C10orf90: variants seen among roughly 807,000 people sequenced by gnomAD.
C10orf90 encodes the protein chromosome 10 open reading frame 90, also known as (E2-independent) E3 ubiquitin-conjugating enzyme FATS.
In C10orf90, 56 loss-of-function variants were observed where a neutral mutation model predicts 62.5. The observed-to-expected ratio is 0.90, with a 90% CI of 0.72 to 1.12. The LOEUF is 1.12. Among genes scored for constraint, C10orf90 ranks in the 50% most tolerant of loss-of-function variants. The probability of loss-of-function intolerance (pLI) is 0.00; values close to 1 mark genes in which losing one functional copy is unlikely to be tolerated. For missense variants in C10orf90, 970 were observed against 880.4 expected (o/e 1.10, Z -1.29); for synonymous variants, 386 against 340.4 (o/e 1.13, Z -1.47).
intron 2 of C10orf90, among the ~76,000 whole-genome samples, chr10:126,641,698 G>A (rs1311076463): frequency 6.6e-6 from 1 of 152,106 alleles, no homozygotes; most frequent in African/African-American, 2.4e-5. Flanking sequence ...TTTGTAACAT[G>A]CAGAATGGGG....
intron 2 of C10orf90, among the ~76,000 whole-genome samples, chr10:126,529,188 C>T (rs1366911247): frequency 6.6e-6 from 1 of 152,162 alleles, no homozygotes; most frequent in East Asian, 1.9e-4. Context: ...CAAAATTAGA[C>T]ACCTTTTCCT....
chr10:126,573,621 C>T lies in C10orf90; in HGVS notation c.314-59682G>A, dbSNP rs796252449. ...GCCCCAGGGCCTTCCACAGCCCCCA[C>T]ACTTCTGTACTTTGCCCCTGCCTTG... On this transcript the variant is annotated intron_variant, in intron 2 of 9. Transcript: ENST00000488181. Among the ~76,000 whole-genome samples the T allele has an allele frequency of 5.3e-5, 8 of 152,304 alleles. 1 individual carries two copies. Among genetic ancestry groups the T allele is most frequent in the African/African-American group, 1.4e-4 (6 of 41,578 alleles).
intron 2 of C10orf90, among the ~76,000 whole-genome samples, chr10:126,616,228 G>T (rs947804801): frequency 6.6e-6 from 1 of 152,126 alleles, no homozygotes; most frequent in Non-Finnish European, 1.5e-5. Flanking sequence ...CATCTGCCTC[G>T]TATTTATTGA....
chr10:126,461,206 G>A lies in C10orf90; in HGVS notation c.2010+195C>T, dbSNP rs116185286. 1.3e-3 allele frequency among the ~76,000 whole-genome samples: 193 copies of A among 152,318 alleles called. 1 individual carries two copies. The highest frequency in any genetic ancestry group is 4.5e-3 in the African/African-American group (186 of 41,566). On this transcript the variant is annotated intron_variant, in intron 6 of 9. Transcript: ENST00000488181. ...TCTTCATTCTAACCTGGAGGAGTCA[G>A]TGTCATTATCTCCATTATTCAAACA...
At position 126,528,962 on chromosome 10, in the gene C10orf90, A is replaced by G. The variant is rs904787980; in HGVS notation, c.314-15023T>C. 1.1e-4 allele frequency among the ~76,000 whole-genome samples: 16 copies of G among 152,314 alleles called. 1 individual carries two copies. The South Asian group carries it at 3.3e-3, about 32-fold the overall frequency. On this transcript the variant is annotated intron_variant, in intron 2 of 9. Coordinates refer to ENST00000488181, the MANE Select transcript of C10orf90 (RefSeq NM_001350921.2). ...GCCCTATCAGATATCAAAACTTATT[A>G]TAAAGGTGAGAAGAAAGGTAGGTCA...
intron 1 of C10orf90, among the ~76,000 whole-genome samples, chr10:126,651,367 T>G (rs191346854): frequency 2.0e-5 from 3 of 152,304 alleles, no homozygotes; most frequent in Admixed American, 6.5e-5. Context: ...TGATATTAAT[T>G]TATTCCATTG....
At position 126,662,072 on chromosome 10, in the gene C10orf90, T is replaced by C. The variant is rs906503590; in HGVS notation, c.240+8169A>G. On this transcript the variant is annotated intron_variant, in intron 1 of 9. Transcript: ENST00000488181. ...TTGTAAATTTTATATTATTGCTTGC[T>C]GGATTTTGTTGTAGTCTTGTTAAAA... Among the ~76,000 whole-genome samples, 9 of 135,668 alleles carry C rather than the reference T, an allele frequency of 6.6e-5. No individual in the cohort carries two copies. The Middle Eastern group carries it at 0.011, about 160-fold the overall frequency. 89.0% of individuals were successfully genotyped at this position (135,668 alleles called of 152,430 possible).
In C10orf90 at chr10:126,529,841, G is replaced by A. The variant is rs565009850; in HGVS notation, c.314-15902C>T. 1.4e-4 allele frequency among the ~76,000 whole-genome samples: 21 copies of A among 152,246 alleles called. No homozygotes were observed. In the East Asian group the frequency reaches 3.3e-3, roughly 24 times the overall value. On this transcript the variant is annotated intron_variant, in intron 2 of 9. Coordinates refer to ENST00000488181, the MANE Select transcript of C10orf90 (RefSeq NM_001350921.2). ...AAAATACCTAACATCTAGCAATTCTGCTCTTATTTACAATATTCCATCAAA... is the reference window on the plus strand; with the variant it reads ...AAAATACCTAACATCTAGCAATTCTACTCTTATTTACAATATTCCATCAAA...
chr10:126,638,751 C>T (rs7092891), intron 2 of C10orf90, among the ~76,000 whole-genome samples: 1,775 of 152,272 alleles, frequency 0.012, 44 homozygotes, highest in African/African-American at 0.04. Flanking sequence ...AAAGTCACCC[C>T]GCCCTCTTTT....
chr10:126,647,114 A>AC (rs1846187386), intron 1 of C10orf90, among the ~76,000 whole-genome samples: 1 of 152,234 alleles, frequency 6.6e-6, no homozygotes, highest in Admixed American at 6.5e-5. Context: ...GTCTTCAGGT[A>AC]TGACTGTTTT....
intron 2 of C10orf90, among the ~76,000 whole-genome samples, chr10:126,533,001 C>T (rs1234242526): frequency 6.0e-5 from 9 of 150,790 alleles, no homozygotes; most frequent in Non-Finnish European, 1.0e-4. Flanking sequence ...GGCGCTATCT[C>T]GGCTCACTGC....
chr10:126,425,643 G>T lies in C10orf90; in HGVS notation c.*221C>A. ...TGTATCCAGTGGGTTACATGGAGGTGGTTTCCCCACAACAGATTGTTGACC... is the reference window on the plus strand; with the variant it reads ...TGTATCCAGTGGGTTACATGGAGGTTGTTTCCCCACAACAGATTGTTGACC... On this transcript the variant is annotated 3_prime_UTR_variant, in exon 10 of 10. Coordinates refer to ENST00000488181, the MANE Select transcript of C10orf90 (RefSeq NM_001350921.2). 1.7e-6 allele frequency: 1 copy of T among 578,560 alleles called. No homozygotes were observed. Among genetic ancestry groups the T allele is most frequent in the Non-Finnish European group, 3.0e-6 (1 of 331,166 alleles). 35.8% of individuals were successfully genotyped at this position (578,560 alleles called of 1,614,324 possible).
Position 126,597,588 on chromosome 10 carries a change from G to A in C10orf90, c.313+48977C>T, listed in dbSNP as rs1194242704. On this transcript the variant is annotated intron_variant, in intron 2 of 9. Coordinates refer to ENST00000488181, the MANE Select transcript of C10orf90 (RefSeq NM_001350921.2). ...GCTGGCAATAGAATGAACAGTAAAA[G>A]GACAAGAGTAGAAGCTGAGAGACCA... Among the ~76,000 whole-genome samples, 3 of 152,168 alleles carry A rather than the reference G, an allele frequency of 2.0e-5. No individual in the cohort carries two copies. In the East Asian group the frequency reaches 5.8e-4, roughly 29 times the overall value.
At chr10:126,533,057 G>A (rs1049206647) in intron 2 of C10orf90, among the ~76,000 whole-genome samples, 15 of 150,336 alleles carry the variant, frequency 1.0e-4, no homozygotes, top group East Asian at 4.0e-4. Context: ...CTCAGCCTCC[G>A]GAGTAGCTGG....
chr10:126,483,316 G>A (rs1274617199), intron 4 of C10orf90, among the ~76,000 whole-genome samples: 3 of 152,166 alleles, frequency 2.0e-5, no homozygotes, highest in Non-Finnish European at 4.4e-5. Context: ...ATTTCTTTTG[G>A]TTGAGAAACT....
chr10:126,644,833 A>G, intron 2 of C10orf90, among the ~76,000 whole-genome samples: 1 of 152,156 alleles, frequency 6.6e-6, no homozygotes, highest in East Asian at 1.9e-4. Flanking sequence ...AGTGTCCCCA[A>G]ACTCCCTGTG....
chr10:126,618,979 T>C (rs566947754), intron 2 of C10orf90, among the ~76,000 whole-genome samples: 2 of 151,830 alleles, frequency 1.3e-5, no homozygotes, highest in East Asian at 3.9e-4. Context: ...ATATACACCA[T>C]GGAATACTAT....
chr10:126,444,817 A>C (rs1435448452), intron 7 of C10orf90, among the ~76,000 whole-genome samples: 3 of 152,210 alleles, frequency 2.0e-5, no homozygotes, highest in African/African-American at 4.8e-5. Context: ...CTGGTATAAA[A>C]ATAGGCACAT....
At chr10:126,596,181 T>C (rs1350603876) in intron 2 of C10orf90, among the ~76,000 whole-genome samples, 3 of 149,690 alleles carry the variant, frequency 2.0e-5, no homozygotes, top group Non-Finnish European at 4.4e-5. Flanking sequence ...CACACACCTG[T>C]AGTCTCAGCT....
Sources: gnomAD v4.1 joint callset for allele counts (sites outside exome capture counted in the v4.1 genomes callset) on GRCh38, gnomAD v4.1.1 for gene constraint, MANE v1.5 for transcripts, NCBI Gene and HGNC (gene_info 2026-07-23, HGNC 2026-07-21) for gene names.